The following DNAH5 variants were observed in gnomAD, a reference collection of about 807,000 sequenced individuals.
DNAH5 encodes axonemal beta dynein heavy chain 5.
Under a neutral mutation model 518.2 loss-of-function variants are expected in DNAH5, and 372 were observed. That is an observed-to-expected ratio of 0.72 (90% CI 0.66 to 0.78). DNAH5 has a LOEUF of 0.78. Among genes scored for constraint, DNAH5 ranks in the 30% least tolerant of loss-of-function variants. DNAH5 has a pLI of 0.00. For missense variants in DNAH5, 5,523 were observed against 5,687.0 expected (o/e 0.97, Z 0.93); for synonymous variants, 2,039 against 2,025.9 (o/e 1.01, Z -0.17).
Position 13,901,328 on chromosome 5 carries a change from A to G in DNAH5, c.1976T>C (p.Ile659Thr). The G allele has an allele frequency of 1.9e-6, 3 of 1,614,154 alleles. No homozygotes were observed. Among genetic ancestry groups the G allele is most frequent in the South Asian group, 1.1e-5 (1 of 91,084 alleles). Residue 659 changes from isoleucine to threonine, a missense_variant, in exon 14 of 79, where the codon ATA (isoleucine) becomes ACA (threonine). Around this residue, in one of 3 missense-constraint regions of DNAH5, gnomAD observed 5,121 missense variants for 5,223.3 expected, o/e 0.98. Coordinates refer to ENST00000265104, the MANE Select transcript of DNAH5 (RefSeq NM_001369.3). ...AVLSTAEAKP[I>T]IRSYNRMAKV... ...GGCCATCCTGTTGTAACTGCGAATT[A>G]TAGGTTTGGCTTCTGCCGTGCTTAG...
At chr5:13,698,370 T>C (rs754494505) in intron 78 of DNAH5, among the ~76,000 whole-genome samples, 50 of 152,244 alleles carry the variant, frequency 3.3e-4, no homozygotes, top group Non-Finnish European at 2.1e-4. Flanking sequence ...ACAGTAGTTA[T>C]GTCCTATAAA....
At chr5:13,968,509 G>A (rs749601641) in intron 1 of DNAH5, among the ~76,000 whole-genome samples, 16 of 151,888 alleles carry the variant, frequency 1.1e-4, no homozygotes, top group Non-Finnish European at 2.1e-4. Flanking sequence ...TTTTGCTGAG[G>A]GTTTTAATCA....
At position 13,707,934 on chromosome 5, in the gene DNAH5, AT is replaced by A. The variant is rs1561084257; in HGVS notation, c.13338+188del. On this transcript the variant is annotated intron_variant, in intron 76 of 78. Transcript: ENST00000265104. The surrounding 1 kb of genome is among the most constrained non-coding windows in gnomAD (Gnocchi z 4.0). ...TGTAAATGCCCTAGCAGAGAACCTG[AT>A]TCGTGGGATTTGCTAAAAAAAAACT... 6.6e-6 allele frequency among the ~76,000 whole-genome samples: 1 copy of A among 152,164 alleles called. No homozygotes were observed. The highest frequency in any genetic ancestry group is 1.5e-5 in the Non-Finnish European group (1 of 68,030).
In DNAH5 at chr5:13,842,484, A is replaced by AAAGG. The variant is rs398072434; in HGVS notation, c.5272-581_5272-580insCCTT. 2.9e-4 allele frequency among the ~76,000 whole-genome samples: 15 copies of AAAGG among 51,600 alleles called. 2 individuals are homozygous for AAAGG. The highest frequency in any genetic ancestry group is 2.4e-3 in the Admixed American group (13 of 5,530). 33.9% of individuals were successfully genotyped at this position (51,600 alleles called of 152,430 possible). A position where few individuals can be genotyped will look rare whatever the true frequency, so the allele number is the denominator to read the frequency against. ...GAAAGAAAGAAAGAAAGAAAGAAAG[A>AAAGG]GAAAGAAAAGAAAGAAAGAAAGAAA... On this transcript the variant is annotated intron_variant, in intron 32 of 78. Transcript: ENST00000265104.
chr5:13,777,474 T>C (rs1250564001), intron 53 of DNAH5, 119 bp from the exon 54 acceptor site: 20 of 771,164 alleles, frequency 2.6e-5, no homozygotes, highest in Non-Finnish European at 3.9e-5. Context: ...TTCTATCGTA[T>C]ACGTATGTAT....
chr5:13,938,975 T>C (rs1313647152), intron 1 of DNAH5, among the ~76,000 whole-genome samples: 1 of 152,230 alleles, frequency 6.6e-6, no homozygotes, highest in Non-Finnish European at 1.5e-5. Flanking sequence ...AAAATATGTG[T>C]TTCTTTTCTT....
chr5:13,801,306 G>A (rs1048033726), intron 47 of DNAH5, among the ~76,000 whole-genome samples: 16 of 152,278 alleles, frequency 1.1e-4, no homozygotes, highest in South Asian at 1.0e-3. Context: ...CTCCGGCCAC[G>A]TGAGAAGTGT....
In DNAH5 at chr5:13,818,933, T is replaced by C. The variant is rs114013141; in HGVS notation, c.6842-1239A>G. Among the ~76,000 whole-genome samples the C allele has an allele frequency of 5.6e-3, 856 of 152,340 alleles. 5 individuals are homozygous for C. The highest frequency in any genetic ancestry group is 8.2e-3 in the Admixed American group (125 of 15,304). ...TTCTTTAAGTAAGATTAATGTTTCCTCTACTACTAAAACCAAAACCAAGTT... is the reference window on the plus strand; with the variant it reads ...TTCTTTAAGTAAGATTAATGTTTCCCCTACTACTAAAACCAAAACCAAGTT... On this transcript the variant is annotated intron_variant, in intron 41 of 78. Transcript: ENST00000265104.
intron 58 of DNAH5, among the ~76,000 whole-genome samples, chr5:13,766,914 A>G (rs1490229163): frequency 6.6e-6 from 1 of 152,220 alleles, no homozygotes; most frequent in Admixed American, 6.5e-5. Context: ...CTCTAAGACA[A>G]ATAGTATATA....
intron 22 of DNAH5, among the ~76,000 whole-genome samples, chr5:13,873,097 T>C (rs1445806): frequency 0.97 from 148,093 of 152,186 alleles, 72,066 homozygotes; most frequent in Non-Finnish European, 0.98. Flanking sequence ...ACATGTATCC[T>C]ATAAATTTGT....
chr5:13,752,079 T>C, intron 64 of DNAH5, 55 bp downstream of exon 64: 1 of 1,580,674 alleles, frequency 6.3e-7, no homozygotes, highest in Non-Finnish European at 8.7e-7. Context: ...TGTGTCACAT[T>C]GACCTGGCCT....
At chr5:13,952,942 A>G (rs1279062151) in intron 1 of DNAH5, among the ~76,000 whole-genome samples, 1 of 152,126 alleles carries the variant, frequency 6.6e-6, no homozygotes, top group Admixed American at 6.5e-5. Context: ...TCAGTATTTG[A>G]CCTTTCTTAA....
At chr5:13,996,574 G>A (rs547951122) in intron 1 of DNAH5, among the ~76,000 whole-genome samples, 1 of 152,322 alleles carries the variant, frequency 6.6e-6, no homozygotes, top group African/African-American at 2.4e-5. Context: ...AGGAGTAATA[G>A]GAAAGAAGAA....
intron 65 of DNAH5, among the ~76,000 whole-genome samples, chr5:13,740,693 C>A (rs996754891): frequency 6.6e-6 from 1 of 152,134 alleles, no homozygotes; most frequent in African/African-American, 2.4e-5. Context: ...TGCCTCAGGG[C>A]CTCTGCATTA....
intron 65 of DNAH5, among the ~76,000 whole-genome samples, chr5:13,742,424 C>G (rs1748699934): frequency 6.6e-6 from 1 of 152,096 alleles, no homozygotes; most frequent in Non-Finnish European, 1.5e-5. Context: ...CTCAGGAGAT[C>G]TCCCTTACCT....
intron 54 of DNAH5, 63 bp downstream of exon 54, chr5:13,777,139 T>A: frequency 2.7e-6 from 4 of 1,500,594 alleles, no homozygotes; most frequent in Admixed American, 1.7e-5. Flanking sequence ...AGAAAACATG[T>A]AGAGCTCTAA....
In DNAH5 at chr5:13,919,170, G is replaced by A. The variant is rs151000177; in HGVS notation, c.975+6C>T. On this transcript the variant is annotated splice_donor_region_variant and intron_variant, in intron 7 of 78. Transcript: ENST00000265104. Reference sequence around the variant, plus strand: ...TTTCACAAGGCAAAATGAAATGGCTGACGACCTTCAGCAGTTTCGACTTGG... The same window carrying A: ...TTTCACAAGGCAAAATGAAATGGCTAACGACCTTCAGCAGTTTCGACTTGG... 3.3e-4 allele frequency: 537 copies of A among 1,613,900 alleles called. 2 individuals carry two copies. In the East Asian group the frequency reaches 0.011, roughly 34 times the overall value.
At chr5:13,717,594 C>A in intron 72 of DNAH5, 74 bp from the exon 73 acceptor site, 1 of 1,207,416 alleles carries the variant, frequency 8.3e-7, no homozygotes, top group South Asian at 1.3e-5. Flanking sequence ...TATAAGTAAT[C>A]ATTTTTGTAA....
At chr5:13,797,059 A>G (rs1464791957) in intron 47 of DNAH5, among the ~76,000 whole-genome samples, 1 of 152,232 alleles carries the variant, frequency 6.6e-6, no homozygotes, top group South Asian at 2.1e-4. Flanking sequence ...TTCAAGATGG[A>G]TTAAAGACTT....
Sources: allele counts gnomAD v4.1 joint callset (sites outside exome capture counted in the v4.1 genomes callset), GRCh38; gene constraint gnomAD v4.1.1; regional missense constraint gnomAD v4.1.1; non-coding constraint Gnocchi (gnomAD v3.1); transcripts MANE v1.5; gene names NCBI Gene and HGNC (gene_info 2026-07-23, HGNC 2026-07-21).